The following NAALAD2 variants were observed in gnomAD, a reference collection of about 807,000 sequenced individuals.
NAALAD2 encodes the protein N-acetylated alpha-linked acidic dipeptidase 2.
A neutral mutation model predicts 95.6 loss-of-function variants in NAALAD2; 89 were observed. The ratio of observed to expected loss-of-function variants is 0.93; its 90% confidence interval spans 0.78 to 1.11. NAALAD2 has a LOEUF of 1.11. Ranked by LOEUF, NAALAD2 falls within the 50% of genes least tolerant of loss-of-function variation. The pLI is 0.00. For synonymous variants in NAALAD2, 264 were observed against 294.4 expected (o/e 0.90, Z 1.06); for missense variants, 894 against 872.4 (o/e 1.02, Z -0.31).
rs755871837 is a variant in NAALAD2 at position 90,150,601 on chromosome 11, A to G, written c.603A>G (p.Gly201=). The G allele has an allele frequency of 8.2e-6, 13 of 1,590,112 alleles. No homozygotes were observed. Among genetic ancestry groups the G allele is most frequent in the Non-Finnish European group, 1.1e-5 (13 of 1,159,952 alleles). The change falls in exon 5 of 19, where the codon GGA becomes GGG. Residue 201 remains glycine, a synonymous_variant. Coordinates refer to ENST00000534061, the MANE Select transcript of NAALAD2 (RefSeq NM_005467.4). ...CAAGATATGGAAAAATCTTCAGAGG[A>G]AATAAAGTACAGTATTATTTGTTTT... ...VIARYGKIFR[G]NKVKNAMLAG... is the part of the protein sequence containing the mutation.
Position 90,163,568 on chromosome 11 carries a change from G to A in NAALAD2, c.1229G>A (p.Ser410Asn). ...CCTAGAAGAACTATCATTTTTGCCA[G>A]CTGGGATGCAGAAGAATTTGGACTT... is the stretch of plus-strand genomic sequence containing the variant. ...WRPRRTIIFASWDAEEFGLLG... is the reference protein window; with the variant it reads ...WRPRRTIIFANWDAEEFGLLG... Residue 410 changes from serine (S) to asparagine (N), a missense_variant, in exon 11 of 19, where the codon AGC (serine) becomes AAC (asparagine). By Grantham distance (46) the Ser-to-Asn change is conservative (BLOSUM62 1). Transcript: ENST00000534061. The A allele has an allele frequency of 6.2e-7, 1 of 1,614,078 alleles. No homozygotes were observed. The highest frequency in any genetic ancestry group is 1.3e-5 in the African/African-American group (1 of 75,036).
At chr11:90,152,633 A>G (rs1480462200) in intron 6 of NAALAD2, 149 bp downstream of exon 6, 2 of 573,348 alleles carry the variant, frequency 3.5e-6, no homozygotes, top group South Asian at 3.7e-5. Flanking sequence ...GAATTTTAAA[A>G]CATTTGCTCT....
At chr11:90,191,523 C>T in intron 18 of NAALAD2, 35 bp from the exon 19 acceptor site, 1 of 1,479,280 alleles carries the variant, frequency 6.8e-7, no homozygotes, top group Non-Finnish European at 9.0e-7. Flanking sequence ...CATGTATACA[C>T]TTTAGTTCAA....
chr11:90,189,062 A>G (rs11018904), intron 18 of NAALAD2, among the ~76,000 whole-genome samples: 22,220 of 152,240 alleles, frequency 0.15, 2,082 homozygotes, highest in Middle Eastern at 0.23. Context: ...TGCAGTCACA[A>G]GGGTCCTTAA....
At chr11:90,189,778 A>AG (rs200508503) in intron 18 of NAALAD2, among the ~76,000 whole-genome samples, 2,440 of 152,156 alleles carry the variant, frequency 0.016, 27 homozygotes, top group Middle Eastern at 0.024. Context: ...TCAAAAAAAA[A>AG]AAAGAAATTT....
At chr11:90,155,305 GTA>G (rs1952034332) in intron 6 of NAALAD2, among the ~76,000 whole-genome samples, 2 of 109,444 alleles carry the variant, frequency 1.8e-5, no homozygotes, top group South Asian at 5.5e-4. Flanking sequence ...TATATATAAT[GTA>G]TATATTATAT....
intron 18 of NAALAD2, among the ~76,000 whole-genome samples, chr11:90,188,915 T>C (rs551067298): frequency 1.4e-4 from 21 of 152,322 alleles, no homozygotes; most frequent in African/African-American, 4.8e-4. Context: ...CAAAGATCTC[T>C]ATTTTCTAAC....
intron 6 of NAALAD2, among the ~76,000 whole-genome samples, chr11:90,154,764 T>C (rs1303201259): frequency 6.7e-6 from 1 of 149,982 alleles, no homozygotes; most frequent in Non-Finnish European, 1.5e-5. Flanking sequence ...AAGTGTTTTA[T>C]GTAGAACTGT....
chr11:90,135,255 C>T, intron 1 of NAALAD2: 1 of 311,736 alleles, frequency 3.2e-6, no homozygotes, highest in Non-Finnish European at 5.8e-6. Flanking sequence ...TGGAATGTTC[C>T]CTATGTGTCA....
intron 16 of NAALAD2, among the ~76,000 whole-genome samples, chr11:90,179,275 T>G (rs940319922): frequency 1.3e-5 from 2 of 152,124 alleles, no homozygotes; most frequent in Non-Finnish European, 2.9e-5. Flanking sequence ...GTTTCTACTG[T>G]GTACCAAGTA....
chr11:90,191,617 T>A lies in NAALAD2; in HGVS notation c.2093T>A (p.Ile698Asn). 1 of 1,605,398 alleles carries A rather than the reference T, an allele frequency of 6.2e-7. No homozygotes were observed. Among genetic ancestry groups the A allele is most frequent in the Non-Finnish European group, 8.5e-7 (1 of 1,175,930 alleles). Residue 698 changes from isoleucine (I) to asparagine (N), a missense_variant, in exon 19 of 19, where the codon ATC becomes AAC. Coordinates refer to ENST00000534061, the MANE Select transcript of NAALAD2 (RefSeq NM_005467.4). ...TATGCTGGAGAATCATTTCCTGGAA[T>A]CTATGATGCTATCTTTGATATTGAA... is the stretch of plus-strand genomic sequence containing the variant. ...NKYAGESFPG[I>N]YDAIFDIENK...
intron 5 of NAALAD2, among the ~76,000 whole-genome samples, chr11:90,151,405 C>T (rs1049503212): frequency 4.6e-5 from 7 of 152,008 alleles, no homozygotes; most frequent in South Asian, 2.1e-4. Context: ...TTAACCATTC[C>T]GCTACTGACG....
At position 90,135,399 on chromosome 11, in the gene NAALAD2, T is replaced by TAA. The variant is rs1328969573; in HGVS notation, c.83-160_83-159insAA. Among the ~76,000 whole-genome samples, 9 of 152,330 alleles carry TAA rather than the reference T, an allele frequency of 5.9e-5. No homozygotes were observed. In the East Asian group the frequency reaches 9.6e-4, roughly 16 times the overall value. ...TATTACATATCAGAATTTACAGGTT[T>TAA]TCTGCATTTAATATAAACATTATTT... On this transcript the variant is annotated intron_variant, in intron 1 of 18. Transcript: ENST00000534061.
intron 1 of NAALAD2, among the ~76,000 whole-genome samples, chr11:90,135,333 G>A (rs550487356): frequency 1.1e-3 from 170 of 152,192 alleles, no homozygotes; most frequent in Non-Finnish European, 1.4e-3. Context: ...AAATGAAAGA[G>A]CTTCTCTTAA....
At chr11:90,146,336 G>T (rs1951749049) in intron 2 of NAALAD2, among the ~76,000 whole-genome samples, 1 of 142,332 alleles carries the variant, frequency 7.0e-6, no homozygotes, top group South Asian at 2.2e-4. Flanking sequence ...GATGGTGGGG[G>T]AGTTTAATTT....
At chr11:90,139,274 C>T (rs1443631320) in intron 2 of NAALAD2, among the ~76,000 whole-genome samples, 1 of 151,830 alleles carries the variant, frequency 6.6e-6, no homozygotes, top group African/African-American at 2.4e-5. Flanking sequence ...TTATCTTTTC[C>T]ATTCAAGGCT....
chr11:90,151,851 A>G (rs1381425820), intron 5 of NAALAD2, among the ~76,000 whole-genome samples: 1 of 152,146 alleles, frequency 6.6e-6, no homozygotes, highest in African/African-American at 2.4e-5. Context: ...TAGTTCCATA[A>G]ATATTTGTAG....
intron 3 of NAALAD2, among the ~76,000 whole-genome samples, chr11:90,148,029 C>A (rs543398286): frequency 6.6e-6 from 1 of 152,198 alleles, no homozygotes; most frequent in East Asian, 1.9e-4. Flanking sequence ...ATGAGATAAA[C>A]CAGTAAATAT....
At chr11:90,190,521 T>A (rs991572449) in intron 18 of NAALAD2, among the ~76,000 whole-genome samples, 2 of 152,040 alleles carry the variant, frequency 1.3e-5, no homozygotes, top group African/African-American at 4.8e-5. Context: ...CTATATCAAA[T>A]TTTTTTTGCT....
Sources: allele counts gnomAD v4.1 joint callset (sites outside exome capture counted in the v4.1 genomes callset), GRCh38; gene constraint gnomAD v4.1.1; transcripts MANE v1.5; gene names NCBI Gene and HGNC (gene_info 2026-07-23, HGNC 2026-07-21).